Variants in TMEM117 observed in about 807,000 individuals in gnomAD.
TMEM117 encodes transmembrane protein 117.
Under a neutral mutation model 52.4 loss-of-function variants are expected in TMEM117, and 27 were observed. That is an observed-to-expected ratio of 0.51 (90% confidence interval 0.38 to 0.71). TMEM117 has a LOEUF of 0.71. TMEM117 is among the 30% of genes least tolerant of loss of function. The pLI is 0.00. For missense variants in TMEM117, 556 were observed against 630.5 expected, an observed-to-expected ratio of 0.88 and a Z score of 1.26; for synonymous variants, 215 against 206.3, an observed-to-expected ratio of 1.04 and a Z score of -0.36.
At chr12:43,813,147 T>C in the TMEM117 span, among the ~76,000 whole-genome samples, 1 of 151,788 alleles carries the variant, frequency 6.6e-6, no homozygotes, top group Non-Finnish European at 1.5e-5. Flanking sequence ...TCCATCCCAC[T>C]TGCCTTCATA....
At chr12:44,075,411 C>T (rs1337976445) in intron 3 of TMEM117, among the ~76,000 whole-genome samples, 2 of 152,188 alleles carry the variant, frequency 1.3e-5, no homozygotes, top group East Asian at 3.8e-4. Context: ...GTCAGGAGGG[C>T]CCTGCACTTG....
chr12:43,878,555 A>G (rs1039012020), intron 2 of TMEM117, among the ~76,000 whole-genome samples: 2 of 152,236 alleles, frequency 1.3e-5, no homozygotes, highest in African/African-American at 2.4e-5. Flanking sequence ...CTAAAAATAT[A>G]GAATAAAATA....
chr12:44,171,013 C>CTT (rs757855409), intron 4 of TMEM117, among the ~76,000 whole-genome samples: 110 of 132,116 alleles, frequency 8.3e-4, no homozygotes, highest in African/African-American at 9.1e-4. Flanking sequence ...TAACAAATAT[C>CTT]TTTTTTTTTT....
At chr12:44,017,167 C>T (rs1268671428) in intron 3 of TMEM117, among the ~76,000 whole-genome samples, 1 of 151,442 alleles carries the variant, frequency 6.6e-6, no homozygotes, top group Non-Finnish European at 1.5e-5. Flanking sequence ...GCTCATTTAG[C>T]AGGATACATG....
rs559982366 is a variant in TMEM117, at chr12:44,212,686, G to T, written c.608+1299G>T. ...TGGAATGTACGCCCACCAGATAAGG[G>T]GGACTACTGTAATTGATTATAGCTG... On this transcript the variant is annotated intron_variant, in intron 5 of 7. Transcript: ENST00000266534. 3.3e-5 allele frequency among the ~76,000 whole-genome samples: 5 copies of T among 152,106 alleles called. No individual in the cohort carries two copies. In the East Asian group the frequency reaches 9.7e-4, roughly 29 times the overall value.
At chr12:44,041,885 T>A (rs1946804322) in intron 3 of TMEM117, among the ~76,000 whole-genome samples, 1 of 152,156 alleles carries the variant, frequency 6.6e-6, no homozygotes, top group African/African-American at 2.4e-5. Context: ...ATCTCAGTAG[T>A]CACAGAAAAG....
chr12:43,873,385 T>A lies in TMEM117; in HGVS notation c.277+28457T>A, dbSNP rs576877854. Among the ~76,000 whole-genome samples the A allele has an allele frequency of 3.3e-5, 5 of 152,310 alleles. No homozygotes were observed. The South Asian group carries it at 8.3e-4, about 25-fold the overall frequency. ...AGTATGTGAGAATATAATTACATTT[T>A]ACAAATATATTTGAAATTCTCTTTA... On this transcript the variant is annotated intron_variant, in intron 2 of 7. Coordinates refer to ENST00000266534, the MANE Select transcript of TMEM117 (RefSeq NM_032256.3).
At chr12:44,311,214 GA>G (rs1950970676) in intron 6 of TMEM117, among the ~76,000 whole-genome samples, 1 of 151,878 alleles carries the variant, frequency 6.6e-6, no homozygotes, top group Non-Finnish European at 1.5e-5. Context: ...TATGTATGCT[GA>G]AAACGATATT....
chr12:44,041,087 A>G (rs1946789943), intron 3 of TMEM117, among the ~76,000 whole-genome samples: 2 of 152,202 alleles, frequency 1.3e-5, no homozygotes, highest in Admixed American at 6.5e-5. Flanking sequence ...ATGCAAAAAT[A>G]CATAGTATTC....
intron 4 of TMEM117, among the ~76,000 whole-genome samples, chr12:44,154,253 A>G (rs1190665978): frequency 6.6e-6 from 1 of 152,108 alleles, no homozygotes; most frequent in Non-Finnish European, 1.5e-5. Context: ...CAACGATATC[A>G]GTTAAAACAG....
downstream of TMEM117, among the ~76,000 whole-genome samples, chr12:44,391,062 A>G (rs1952159251): frequency 6.6e-6 from 1 of 152,166 alleles, no homozygotes; most frequent in Non-Finnish European, 1.5e-5. Context: ...AAGAAAGCTT[A>G]ACAAATGTGA....
At chr12:44,210,631 G>A (rs2138396235) in intron 4 of TMEM117, among the ~76,000 whole-genome samples, 3 of 152,252 alleles carry the variant, frequency 2.0e-5, no homozygotes, top group Middle Eastern at 6.8e-3. Flanking sequence ...GGTGATACAT[G>A]ACATGAGAAG....
At chr12:44,283,792 G>A (rs767508870) in intron 5 of TMEM117, among the ~76,000 whole-genome samples, 36 of 152,088 alleles carry the variant, frequency 2.4e-4, no homozygotes, top group Admixed American at 4.6e-4. Context: ...AGCCACGGGC[G>A]GAATGATATG....
chr12:44,311,929 A>T (rs546651468), intron 6 of TMEM117, among the ~76,000 whole-genome samples: 30 of 143,496 alleles, frequency 2.1e-4, no homozygotes, highest in Non-Finnish European at 2.3e-4. Context: ...ATATATATAT[A>T]TTTTTCCTCC....
chr12:44,296,883 C>T (rs1433594645), intron 5 of TMEM117, among the ~76,000 whole-genome samples: 1 of 152,180 alleles, frequency 6.6e-6, no homozygotes, highest in African/African-American at 2.4e-5. Flanking sequence ...GGAGTTGTAG[C>T]CAAGTTCATA....
chr12:44,362,711 GAGTAA>G (rs1198153693), intron 6 of TMEM117, among the ~76,000 whole-genome samples: 1 of 152,082 alleles, frequency 6.6e-6, no homozygotes, highest in Non-Finnish European at 1.5e-5. Flanking sequence ...AAGATAGTTA[GAGTAA>G]AGAGAAGTGA....
At chr12:43,997,355 A>AT (rs955840046) in intron 3 of TMEM117, among the ~76,000 whole-genome samples, 4 of 152,070 alleles carry the variant, frequency 2.6e-5, no homozygotes, top group African/African-American at 7.2e-5. Flanking sequence ...TTTTCTTCTT[A>AT]TTTTTTTGGT....
rs145891734 is a variant in TMEM117, at chr12:44,212,761, A to T, written c.608+1374A>T. 8.5e-4 allele frequency among the ~76,000 whole-genome samples: 129 copies of T among 152,256 alleles called. 2 individuals are homozygous for T. Among genetic ancestry groups the T allele is most frequent in the African/African-American group, 2.9e-3 (120 of 41,544 alleles). Reference sequence around the variant, plus strand: ...ACCTGCCTTTTGAAACAAAAGAGAAAAAAATCTGTTTATTCTTGGATTTAA... The same window carrying T: ...ACCTGCCTTTTGAAACAAAAGAGAATAAAATCTGTTTATTCTTGGATTTAA... On this transcript the variant is annotated intron_variant, in intron 5 of 7. Coordinates refer to ENST00000266534, the MANE Select transcript of TMEM117 (RefSeq NM_032256.3).
chr12:43,882,534 A>G (rs1943916728), intron 2 of TMEM117, among the ~76,000 whole-genome samples: 1 of 151,616 alleles, frequency 6.6e-6, no homozygotes, highest in Non-Finnish European at 1.5e-5. Flanking sequence ...ACTTTACCCC[A>G]TATTTTGAGG....
Sources: gnomAD v4.1 joint callset for allele counts (sites outside exome capture counted in the v4.1 genomes callset) on GRCh38, gnomAD v4.1.1 for gene constraint, MANE v1.5 for transcripts, NCBI Gene and HGNC (gene_info 2026-07-23, HGNC 2026-07-21) for gene names.